Variants in NRG3 observed in about 807,000 individuals in gnomAD.
The protein encoded by NRG3 is pro-neuregulin-3, membrane-bound isoform.
Under a neutral mutation model 66.9 loss-of-function variants are expected in NRG3, and 31 were observed. That is an observed-to-expected ratio of 0.46 (90% CI 0.35 to 0.63). The LOEUF is 0.63. NRG3 is among the 20% of genes least tolerant of loss of function. The pLI is 0.00. For missense variants in NRG3, 910 were observed against 878.9 expected, an observed-to-expected ratio of 1.04 and a Z score of -0.45; for synonymous variants, 393 against 359.4, an observed-to-expected ratio of 1.09 and a Z score of -1.06.
intron 3 of NRG3, among the ~76,000 whole-genome samples, chr10:82,780,218 ATCCTTTGGGTATAT>A (rs1182774642): frequency 1.3e-5 from 2 of 152,124 alleles, no homozygotes; most frequent in African/African-American, 4.8e-5. Context: ...ATGATTTATA[ATCCTTTGGGTATAT>A]ACCCAGTAAT....
At chr10:82,090,491 A>G (rs2065962946) in intron 1 of NRG3, among the ~76,000 whole-genome samples, 2 of 152,254 alleles carry the variant, frequency 1.3e-5, no homozygotes, top group South Asian at 4.1e-4. Context: ...TGAGGAAAAC[A>G]TATATGCCAA....
intron 1 of NRG3, among the ~76,000 whole-genome samples, chr10:82,065,701 G>A (rs1017416279): frequency 1.3e-5 from 2 of 152,162 alleles, no homozygotes; most frequent in African/African-American, 4.8e-5. Flanking sequence ...AAAGGAGATA[G>A]TGTGTTCTGT....
At chr10:82,379,368 C>T (rs1241129292) in intron 2 of NRG3, among the ~76,000 whole-genome samples, 3 of 151,932 alleles carry the variant, frequency 2.0e-5, no homozygotes, top group Non-Finnish European at 4.4e-5. Context: ...AGGAGCAGCA[C>T]TATTTCAAAA....
At chr10:82,764,112 G>T (rs1378361665) in intron 3 of NRG3, among the ~76,000 whole-genome samples, 1 of 152,004 alleles carries the variant, frequency 6.6e-6, no homozygotes. Flanking sequence ...TTGGCTCACT[G>T]CAACTTCTGC....
intron 1 of NRG3, among the ~76,000 whole-genome samples, chr10:82,250,416 C>T (rs2077428462): frequency 6.6e-6 from 1 of 152,074 alleles, no homozygotes; most frequent in South Asian, 2.1e-4. Flanking sequence ...GAAACCCCAT[C>T]TCTACTAAAA....
At chr10:82,662,821 C>T (rs2052471040) in intron 2 of NRG3, among the ~76,000 whole-genome samples, 1 of 152,154 alleles carries the variant, frequency 6.6e-6, no homozygotes, top group South Asian at 2.1e-4. Context: ...TATAAAGGCT[C>T]CATAAAACCT....
At position 82,837,179 on chromosome 10, in the gene NRG3, T is replaced by C. The variant is rs991817048; in HGVS notation, c.1028-28232T>C. On this transcript the variant is annotated intron_variant, in intron 3 of 8. Coordinates refer to ENST00000372141, the MANE Select transcript of NRG3 (RefSeq NM_001010848.4). ...TGGCTTGGTTCCAAGTCTTTGCTAT[T>C]GTGAATAGTGCCTCAATAAACATAC... Among the ~76,000 whole-genome samples the C allele has an allele frequency of 1.5e-4, 23 of 152,190 alleles. 1 individual carries two copies. The highest frequency in any genetic ancestry group is 4.3e-4 in the African/African-American group (18 of 41,442).
chr10:82,984,408 T>A (rs1853241206), intron 8 of NRG3, among the ~76,000 whole-genome samples: 1 of 152,166 alleles, frequency 6.6e-6, no homozygotes, highest in Admixed American at 6.5e-5. Flanking sequence ...GCTAGATGGG[T>A]AGAAGCCCTG....
intron 4 of NRG3, among the ~76,000 whole-genome samples, chr10:82,887,723 T>A (rs1238622500): frequency 6.6e-6 from 1 of 152,224 alleles, no homozygotes. Flanking sequence ...ACAAGCTCTA[T>A]CTCCATTAAT....
At chr10:82,810,737 TAAAA>T (rs750726119) in intron 3 of NRG3, among the ~76,000 whole-genome samples, 2 of 70,016 alleles carry the variant, frequency 2.9e-5, no homozygotes, top group Non-Finnish European at 2.8e-5. Flanking sequence ...CACTCCAGCC[TAAAA>T]AAAAAAAAAA....
At chr10:81,989,904 A>C (rs1249218136) in intron 1 of NRG3, among the ~76,000 whole-genome samples, 2 of 152,186 alleles carry the variant, frequency 1.3e-5, no homozygotes, top group Non-Finnish European at 2.9e-5. Context: ...AAATCTGTCC[A>C]GAAGGTTGAC....
At chr10:81,952,176 G>A (rs1246856262) in intron 1 of NRG3, among the ~76,000 whole-genome samples, 2 of 152,140 alleles carry the variant, frequency 1.3e-5, no homozygotes, top group Non-Finnish European at 2.9e-5. Flanking sequence ...CACCAACGTG[G>A]CACATGTATG....
intron 2 of NRG3, among the ~76,000 whole-genome samples, chr10:82,594,598 G>T (rs1044490390): frequency 6.6e-6 from 1 of 152,022 alleles, no homozygotes; most frequent in Middle Eastern, 3.2e-3. Flanking sequence ...CCACAAAATA[G>T]GTAATACTAC....
chr10:82,707,038 T>C (rs1460354211), intron 2 of NRG3, among the ~76,000 whole-genome samples: 2 of 146,678 alleles, frequency 1.4e-5, no homozygotes, highest in Non-Finnish European at 3.0e-5. Context: ...TATATATATA[T>C]GTATATATAT....
At chr10:82,563,256 A>G (rs1455265131) in intron 2 of NRG3, among the ~76,000 whole-genome samples, 1 of 152,122 alleles carries the variant, frequency 6.6e-6, no homozygotes, top group Non-Finnish European at 1.5e-5. Flanking sequence ...TTTTTTTCAC[A>G]TACGTAAAAG....
chr10:82,404,793 G>C (rs767931968), intron 2 of NRG3, among the ~76,000 whole-genome samples: 6 of 152,146 alleles, frequency 3.9e-5, no homozygotes, highest in Non-Finnish European at 5.9e-5. Flanking sequence ...GTTGTAAACA[G>C]AAAGGACACC....
chr10:82,656,328 A>G (rs1444819482), intron 2 of NRG3, among the ~76,000 whole-genome samples: 1 of 90,822 alleles, frequency 1.1e-5, no homozygotes, highest in Non-Finnish European at 2.2e-5. Flanking sequence ...TTTTTTTGGT[A>G]GTAACCTCCA....
intron 2 of NRG3, among the ~76,000 whole-genome samples, chr10:82,655,048 TA>T (rs1212022187): frequency 6.6e-6 from 1 of 151,834 alleles, no homozygotes; most frequent in Non-Finnish European, 1.5e-5. Context: ...AACTATTATA[TA>T]AAATATATTA....
At chr10:82,358,611 T>A (rs2083925580) in intron 1 of NRG3, 128 bp from the exon 2 acceptor site, 1 of 1,268,408 alleles carries the variant, frequency 7.9e-7, no homozygotes, top group Admixed American at 1.9e-5. Flanking sequence ...GTTGGAGCTG[T>A]CTGTCTAGAG....
Sources: gnomAD v4.1 joint callset for allele counts (sites outside exome capture counted in the v4.1 genomes callset) on GRCh38, gnomAD v4.1.1 for gene constraint, MANE v1.5 for transcripts, NCBI Gene and HGNC (gene_info 2026-07-23, HGNC 2026-07-21) for gene names.